Variants in RSPO2 observed in about 807,000 individuals in gnomAD.
The protein encoded by RSPO2 is R-spondin 2.
A neutral mutation model predicts 30.9 loss-of-function variants in RSPO2; 14 were observed. The observed-to-expected ratio is 0.45, with a 90% CI of 0.30 to 0.71. The LOEUF (loss-of-function observed/expected upper bound fraction) is 0.71. RSPO2 is among the 30% of genes least tolerant of loss of function. The pLI is 0.08. For missense variants in RSPO2, 264 were observed against 301.9 expected (o/e 0.87, Z 0.93); for synonymous variants, 107 against 96.4 (o/e 1.11, Z -0.64).
At chr8:107,926,687 T>G (rs1302213091) in intron 5 of RSPO2, among the ~76,000 whole-genome samples, 2 of 152,164 alleles carry the variant, frequency 1.3e-5, no homozygotes, top group Non-Finnish European at 2.9e-5. Context: ...CTCAGGTTTG[T>G]CAAAGATCAG....
At position 108,063,759 on chromosome 8, in the gene RSPO2, C is replaced by T. The variant is rs866315602; in HGVS notation, c.94+18786G>A. On this transcript the variant is annotated intron_variant, in intron 2 of 5. Coordinates refer to ENST00000276659, the MANE Select transcript of RSPO2 (RefSeq NM_178565.5). Reference sequence around the variant, plus strand: ...CAAAAGAACAAAGCTGGAGGCATCACGCTACCTGACTTCAAACTATACTAC... The same window carrying T: ...CAAAAGAACAAAGCTGGAGGCATCATGCTACCTGACTTCAAACTATACTAC... Among the ~76,000 whole-genome samples the T allele has an allele frequency of 2.3e-3, 346 of 152,060 alleles. 2 individuals are homozygous for T. The highest frequency in any genetic ancestry group is 7.3e-3 in the African/African-American group (303 of 41,380).
intron 2 of RSPO2, among the ~76,000 whole-genome samples, chr8:108,079,453 T>G (rs1165942797): frequency 1.3e-5 from 2 of 152,174 alleles, no homozygotes; most frequent in Non-Finnish European, 2.9e-5. Context: ...AAAATACTAT[T>G]TTCTCAATCG....
intron 2 of RSPO2, among the ~76,000 whole-genome samples, chr8:108,073,745 C>A (rs1354540678): frequency 6.6e-6 from 1 of 152,126 alleles, no homozygotes; most frequent in African/African-American, 2.4e-5. Flanking sequence ...CAACTATTGT[C>A]TTTGAGTAAG....
chr8:108,010,045 T>TAAAATAAAAATAAA (rs1235131847), intron 2 of RSPO2, among the ~76,000 whole-genome samples: 2 of 149,842 alleles, frequency 1.3e-5, no homozygotes, highest in Non-Finnish European at 3.0e-5. Flanking sequence ...TAAGGCCCTG[T>TAAAATAAAAATAAA]CTCAGAAAAT....
chr8:107,907,622 TAGA>T (rs1370130505), intron 5 of RSPO2, among the ~76,000 whole-genome samples: 2 of 152,092 alleles, frequency 1.3e-5, no homozygotes, highest in Non-Finnish European at 2.9e-5. Flanking sequence ...GGACTATTGA[TAGA>T]GGGTGACAAC....
intron 5 of RSPO2, among the ~76,000 whole-genome samples, chr8:107,944,825 C>T (rs1813004527): frequency 6.6e-6 from 1 of 152,052 alleles, no homozygotes; most frequent in African/African-American, 2.4e-5. Flanking sequence ...GCTCTTTTTA[C>T]TCATGCATAC....
At chr8:108,026,686 T>C (rs1479435609) in intron 2 of RSPO2, among the ~76,000 whole-genome samples, 1 of 151,946 alleles carries the variant, frequency 6.6e-6, no homozygotes, top group African/African-American at 2.4e-5. Flanking sequence ...GGCCAATATG[T>C]TGAAACCCCA....
chr8:107,934,427 C>T (rs1038496256), intron 5 of RSPO2, among the ~76,000 whole-genome samples: 1 of 150,338 alleles, frequency 6.7e-6, no homozygotes, highest in Non-Finnish European at 1.5e-5. Flanking sequence ...GGCTGGAGTG[C>T]AATGGCATGA....
intron 2 of RSPO2, among the ~76,000 whole-genome samples, chr8:108,000,772 T>C (rs1398721463): frequency 1.3e-5 from 2 of 151,914 alleles, no homozygotes; most frequent in Admixed American, 6.6e-5. Flanking sequence ...GAGGCCAAGG[T>C]GGGCAGATCA....
intron 5 of RSPO2, among the ~76,000 whole-genome samples, chr8:107,929,089 C>T (rs2130338674): frequency 6.6e-6 from 1 of 152,316 alleles, no homozygotes; most frequent in Non-Finnish European, 1.5e-5. Context: ...CTCAGTCACA[C>T]CATGGACTGT....
At chr8:108,065,289 G>GAAAAAAA (rs533689799) in intron 2 of RSPO2, among the ~76,000 whole-genome samples, 1 of 78,262 alleles carries the variant, frequency 1.3e-5, no homozygotes, top group African/African-American at 4.1e-5. Flanking sequence ...CTCAGAAATT[G>GAAAAAAA]AAAAAAAAAA....
Position 108,004,295 on chromosome 8 carries a change from G to T in RSPO2, c.95-15051C>A, listed in dbSNP as rs533742747. ...AAAAGGCCAGCACTTTTTACAGAGG[G>T]ATCTCCACTTGACAAGTTCAAAGAA... On this transcript the variant is annotated intron_variant, in intron 2 of 5. Transcript: ENST00000276659. Among the ~76,000 whole-genome samples, 6 of 152,208 alleles carry T rather than the reference G, an allele frequency of 3.9e-5. No homozygotes were observed. The East Asian group carries it at 1.2e-3, about 29-fold the overall frequency.
At position 107,959,642 on chromosome 8, in the gene RSPO2, C is replaced by T. The variant is rs903205197; in HGVS notation, c.427+1032G>A. Among the ~76,000 whole-genome samples the T allele has an allele frequency of 3.9e-5, 6 of 152,164 alleles. No homozygotes were observed. The East Asian group carries it at 5.8e-4, about 15-fold the overall frequency. ...ATATGCTTATAGTTAAGGATTTCAG[C>T]GTTTCCACTAAACATGTGTAATGTG... On this transcript the variant is annotated intron_variant, in intron 4 of 5. Transcript: ENST00000276659.
At chr8:108,078,425 G>A (rs1449111201) in intron 2 of RSPO2, among the ~76,000 whole-genome samples, 3 of 152,200 alleles carry the variant, frequency 2.0e-5, no homozygotes, top group Non-Finnish European at 4.4e-5. Flanking sequence ...TGTACAAAAT[G>A]TGTTTTGAAA....
intron 5 of RSPO2, among the ~76,000 whole-genome samples, chr8:107,957,367 A>G (rs1813464335): frequency 6.6e-6 from 1 of 152,224 alleles, no homozygotes; most frequent in Admixed American, 6.5e-5. Context: ...GGGACAGCAC[A>G]GTGACAGGGC....
At chr8:108,003,289 ATATATATATATATATATATATATTTT>A (rs1815319243) in intron 2 of RSPO2, among the ~76,000 whole-genome samples, 1 of 24,676 alleles carries the variant, frequency 4.1e-5, no homozygotes, top group Admixed American at 3.9e-4. Flanking sequence ...ATATATATAT[ATATATATATATATATATATATATTTT>A]TTTTTTTTTT....
At chr8:108,066,481 G>T (rs1304997606) in intron 2 of RSPO2, among the ~76,000 whole-genome samples, 1 of 151,870 alleles carries the variant, frequency 6.6e-6, no homozygotes, top group Non-Finnish European at 1.5e-5. Context: ...TACTACTGCT[G>T]TTGCAGTAAG....
At chr8:108,047,764 T>C (rs1811948711) in intron 2 of RSPO2, among the ~76,000 whole-genome samples, 1 of 151,602 alleles carries the variant, frequency 6.6e-6, no homozygotes, top group Non-Finnish European at 1.5e-5. Flanking sequence ...GGCAGGAGAA[T>C]TGCTTGAACC....
chr8:107,988,952 T>C (rs954159795), intron 3 of RSPO2, 104 bp downstream of exon 3: 1 of 1,096,938 alleles, frequency 9.1e-7, no homozygotes, highest in East Asian at 2.7e-5. Flanking sequence ...CTATCACCTA[T>C]TACAAACACA....
Sources: allele counts gnomAD v4.1 joint callset (sites outside exome capture counted in the v4.1 genomes callset), GRCh38; gene constraint gnomAD v4.1.1; transcripts MANE v1.5; gene names NCBI Gene and HGNC (gene_info 2026-07-23, HGNC 2026-07-21).